EML1: variants seen among roughly 807,000 people sequenced by gnomAD.
EML1 encodes echinoderm microtubule-associated protein-like 1.
In EML1, 27 loss-of-function variants were observed where a neutral mutation model predicts 110.4. That is an observed-to-expected ratio of 0.24 (90% CI 0.18 to 0.34). EML1 has a LOEUF of 0.34. EML1 is among the 10% of genes least tolerant of loss of function. The probability of loss-of-function intolerance (pLI) is 1.00; values close to 1 mark genes in which losing one functional copy is unlikely to be tolerated. For missense variants in EML1, 741 were observed against 1,030.9 expected, an observed-to-expected ratio of 0.72 and a Z score of 3.85; for synonymous variants, 344 against 385.8, an observed-to-expected ratio of 0.89 and a Z score of 1.27.
intron 6 of EML1, among the ~76,000 whole-genome samples, chr14:99,895,310 C>G (rs1402735500): frequency 1.3e-5 from 2 of 152,080 alleles, no homozygotes; most frequent in Non-Finnish European, 2.9e-5. Flanking sequence ...CTCAAGCAAT[C>G]TGCTCGTCTC....
chr14:99,901,909 G>T (rs2059770212), intron 9 of EML1, among the ~76,000 whole-genome samples: 1 of 152,116 alleles, frequency 6.6e-6, no homozygotes, highest in Non-Finnish European at 1.5e-5. Flanking sequence ...AAGTTGCTCT[G>T]GTTCAAATGC....
intron 1 of EML1, among the ~76,000 whole-genome samples, chr14:99,849,535 A>T (rs201000547): frequency 4.3e-5 from 6 of 140,214 alleles, no homozygotes; most frequent in East Asian, 2.0e-4. Context: ...GTGTGTATAT[A>T]TATTTATTTA....
At chr14:99,814,102 C>T (rs912045953) in intron 1 of EML1, among the ~76,000 whole-genome samples, 1 of 152,142 alleles carries the variant, frequency 6.6e-6, no homozygotes, top group African/African-American at 2.4e-5. Context: ...AGAGTTGACA[C>T]AGTTCTTTCC....
intron 2 of EML1, among the ~76,000 whole-genome samples, chr14:99,860,081 C>T (rs1398528809): frequency 6.6e-6 from 1 of 152,130 alleles, no homozygotes; most frequent in Non-Finnish European, 1.5e-5. Flanking sequence ...CCAGTCCTGT[C>T]TGCCTTGAGG....
intron 1 of EML1, among the ~76,000 whole-genome samples, chr14:99,817,764 T>G (rs937198655): frequency 6.6e-6 from 1 of 152,164 alleles, no homozygotes; most frequent in African/African-American, 2.4e-5. Flanking sequence ...AGTCCCTGAC[T>G]GCAAGGAGCT....
rs572950260 is a variant in EML1 at position 99,844,557 on chromosome 14, A to G, written c.68-6296A>G. Among the ~76,000 whole-genome samples, 7 of 152,106 alleles carry G rather than the reference A, an allele frequency of 4.6e-5. No homozygotes were observed. In the South Asian group the frequency reaches 1.2e-3, roughly 27 times the overall value. ...TGCTCATAAAATTACTTTATTTTATATGTTAACATTCAATAAAAACTGTCA... is the reference window on the plus strand; with the variant it reads ...TGCTCATAAAATTACTTTATTTTATGTGTTAACATTCAATAAAAACTGTCA... On this transcript the variant is annotated intron_variant, in intron 1 of 21. Transcript: ENST00000262233.
intron 2 of EML1, among the ~76,000 whole-genome samples, chr14:99,855,892 C>A (rs1160437320): frequency 6.6e-6 from 1 of 152,192 alleles, no homozygotes; most frequent in Non-Finnish European, 1.5e-5. Context: ...AACCCTCTAG[C>A]CTCAGTACAT....
chr14:99,906,530 G>A (rs1311805140), intron 9 of EML1, among the ~76,000 whole-genome samples: 2 of 152,146 alleles, frequency 1.3e-5, no homozygotes, highest in Non-Finnish European at 1.5e-5. Context: ...GGTCACTCTT[G>A]TTGCCATCTT....
At chr14:99,817,885 C>A (rs2058196439) in intron 1 of EML1, among the ~76,000 whole-genome samples, 1 of 151,990 alleles carries the variant, frequency 6.6e-6, no homozygotes, top group Admixed American at 6.6e-5. Flanking sequence ...TAGGTGGAGC[C>A]CCCAGCCCAG....
intron 17 of EML1, among the ~76,000 whole-genome samples, chr14:99,929,697 C>T (rs1467486704): frequency 6.6e-6 from 1 of 152,072 alleles, no homozygotes; most frequent in East Asian, 1.9e-4. Flanking sequence ...TATTTACAGA[C>T]CTAAGACTAA....
At chr14:99,824,947 T>C (rs1404937940) in intron 1 of EML1, among the ~76,000 whole-genome samples, 1 of 152,198 alleles carries the variant, frequency 6.6e-6, no homozygotes, top group Non-Finnish European at 1.5e-5. Context: ...AAAGAAGACA[T>C]GATTTCATTC....
chr14:99,755,483 G>A (rs1346766484), intron 1 of EML1, among the ~76,000 whole-genome samples: 2 of 152,184 alleles, frequency 1.3e-5, no homozygotes, highest in African/African-American at 4.8e-5. Flanking sequence ...GGTGGTTGTG[G>A]CGGCTCCAGA....
intron 5 of EML1, 136 bp from the exon 6 acceptor site, chr14:99,894,493 T>C (rs1365624120): frequency 1.9e-6 from 2 of 1,079,478 alleles, no homozygotes; most frequent in East Asian, 3.1e-5. Flanking sequence ...GTTACTTTTT[T>C]CCCTAGGATA....
intron 1 of EML1, among the ~76,000 whole-genome samples, chr14:99,745,116 G>T (rs907148998): frequency 6.6e-6 from 1 of 151,852 alleles, no homozygotes; most frequent in Non-Finnish European, 1.5e-5. Flanking sequence ...ACCCAGGCTT[G>T]AGTGCAGTGG....
chr14:99,790,043 C>CT (rs945448761), upstream of EML1, among the ~76,000 whole-genome samples: 16 of 151,772 alleles, frequency 1.1e-4, no homozygotes, highest in Non-Finnish European at 1.9e-4. Flanking sequence ...CTAAATTTAG[C>CT]TTTTTTTTAG....
At chr14:99,906,471 T>C (rs1416651851) in intron 9 of EML1, among the ~76,000 whole-genome samples, 2 of 152,150 alleles carry the variant, frequency 1.3e-5, no homozygotes, top group Admixed American at 6.5e-5. Context: ...CCATGACATG[T>C]ATAAACTGTC....
rs763905625 is a variant in EML1 at position 99,911,547 on chromosome 14, G to A, written c.1465G>A (p.Gly489Arg). Residue 489 changes from glycine to arginine, a missense_variant, in exon 13 of 22, where the codon GGA becomes AGA. Transcript: ENST00000262233. Reference protein sequence around the residue: ...GKDRKLISWSGNYQKLRKTEI... With the variant: ...GKDRKLISWSRNYQKLRKTEI... ...AGACCGAAAGCTCATTTCTTGGAGC[G>A]GAAACTATCAAAAACTTCGTAAAAC... 28 of 1,612,418 alleles carry A rather than the reference G, an allele frequency of 1.7e-5. No homozygotes were observed. The highest frequency in any genetic ancestry group is 8.9e-5 in the East Asian group (4 of 44,820).
At chr14:99,754,076 G>A (rs1002241925) in intron 1 of EML1, among the ~76,000 whole-genome samples, 1 of 152,172 alleles carries the variant, frequency 6.6e-6, no homozygotes, top group African/African-American at 2.4e-5. Flanking sequence ...CCCCTCTCTG[G>A]GACTCAGTTT....
chr14:99,893,120 G>A (rs1482140337), intron 5 of EML1, among the ~76,000 whole-genome samples: 3 of 152,148 alleles, frequency 2.0e-5, no homozygotes, highest in Admixed American at 6.5e-5. Context: ...AAAGAGACAC[G>A]CCTGGCCCCA....
Sources: allele counts gnomAD v4.1 joint callset (sites outside exome capture counted in the v4.1 genomes callset), GRCh38; gene constraint gnomAD v4.1.1; transcripts MANE v1.5; gene names NCBI Gene and HGNC (gene_info 2026-07-23, HGNC 2026-07-21).